DGKG: variants seen among roughly 807,000 people sequenced by gnomAD.
The protein encoded by DGKG is DAG kinase gamma.
In DGKG, 78 loss-of-function variants were observed where a neutral mutation model predicts 105.3. That is an observed-to-expected ratio of 0.74 (90% CI 0.62 to 0.89). The LOEUF (loss-of-function observed/expected upper bound fraction) is 0.89. DGKG is among the 40% of genes least tolerant of loss of function. The probability of loss-of-function intolerance (pLI) is 0.00; values close to 1 mark genes in which losing one functional copy is unlikely to be tolerated. For missense variants in DGKG, 958 were observed against 1,020.1 expected, an observed-to-expected ratio of 0.94 and a Z score of 0.83; for synonymous variants, 346 against 367.1, an observed-to-expected ratio of 0.94 and a Z score of 0.66.
At chr3:186,225,338 T>C (rs1719806578) in intron 20 of DGKG, among the ~76,000 whole-genome samples, 1 of 152,160 alleles carries the variant, frequency 6.6e-6, no homozygotes, top group Non-Finnish European at 1.5e-5. Flanking sequence ...AGCCCATTCA[T>C]TCTCTCCTTT....
chr3:186,256,256 G>A (rs529118528), intron 17 of DGKG, among the ~76,000 whole-genome samples: 2 of 152,250 alleles, frequency 1.3e-5, no homozygotes, highest in Admixed American at 1.3e-4. Context: ...GGCGGCAGGT[G>A]TACGGTCCTG....
chr3:186,258,048 G>C lies in DGKG; in HGVS notation c.1425-109C>G, dbSNP rs376547921. 8.9e-5 allele frequency: 71 copies of C among 798,438 alleles called. No homozygotes were observed. The African/African-American group carries it at 9.7e-4, about 11-fold the overall frequency. 49.5% of individuals were successfully genotyped at this position (798,438 alleles called of 1,614,324 possible). A position where few individuals can be genotyped will look rare whatever the true frequency, so the allele number is the denominator to read the frequency against. Reference sequence around the variant, plus strand: ...TTCCCCAGGAGTATGTTAAGACCTCGATTCCTTTTGTGGTTGAAAGGGTCA... The same window carrying C: ...TTCCCCAGGAGTATGTTAAGACCTCCATTCCTTTTGTGGTTGAAAGGGTCA... On this transcript the variant is annotated intron_variant, in intron 16 of 24. Coordinates refer to ENST00000265022, the MANE Select transcript of DGKG (RefSeq NM_001346.3).
chr3:186,285,922 G>T (rs1339284235), intron 6 of DGKG, among the ~76,000 whole-genome samples: 4 of 151,942 alleles, frequency 2.6e-5, no homozygotes, highest in Admixed American at 6.5e-5. Context: ...CAGATGATCC[G>T]CCTGCCTCGG....
At chr3:186,181,855 A>G (rs573983241) in intron 22 of DGKG, among the ~76,000 whole-genome samples, 1 of 152,258 alleles carries the variant, frequency 6.6e-6, no homozygotes, top group Non-Finnish European at 1.5e-5. Flanking sequence ...AGGTGTGGAT[A>G]ACACAGGCTC....
intron 23 of DGKG, among the ~76,000 whole-genome samples, chr3:186,163,285 C>T (rs914302727): frequency 1.1e-4 from 17 of 152,174 alleles, no homozygotes; most frequent in African/African-American, 3.9e-4. Context: ...GGATTACAGA[C>T]GTGAGCCACC....
intron 22 of DGKG, among the ~76,000 whole-genome samples, chr3:186,180,698 T>G (rs995286164): frequency 2.0e-5 from 3 of 152,160 alleles, no homozygotes; most frequent in Admixed American, 6.5e-5. Context: ...TATGGCTTCA[T>G]AAAGGTGAAA....
chr3:186,330,941 T>C (rs1445825022), intron 1 of DGKG, among the ~76,000 whole-genome samples: 1 of 152,176 alleles, frequency 6.6e-6, no homozygotes. Context: ...CCAAGACAAC[T>C]ACACAAGCAC....
chr3:186,281,706 T>TG (rs970602439), intron 7 of DGKG, among the ~76,000 whole-genome samples: 1 of 151,790 alleles, frequency 6.6e-6, no homozygotes, highest in African/African-American at 2.4e-5. Flanking sequence ...GGCACAAAGG[T>TG]GGGGAAAGGT....
chr3:186,249,300 C>G (rs1288264805), intron 19 of DGKG, among the ~76,000 whole-genome samples: 2 of 152,182 alleles, frequency 1.3e-5, no homozygotes, highest in African/African-American at 4.8e-5. Flanking sequence ...AGAACCCGAT[C>G]ATGGGCCCAG....
At chr3:186,204,596 G>A (rs558319934) in intron 21 of DGKG, among the ~76,000 whole-genome samples, 8 of 152,172 alleles carry the variant, frequency 5.3e-5, no homozygotes, top group African/African-American at 1.4e-4. Flanking sequence ...TACCCAGCAC[G>A]TCCTTTTTTT....
chr3:186,324,484 A>G (rs1725238612), intron 1 of DGKG, among the ~76,000 whole-genome samples: 1 of 151,842 alleles, frequency 6.6e-6, no homozygotes, highest in Non-Finnish European at 1.5e-5. Flanking sequence ...TTGCAAATAC[A>G]ACATGTAGCA....
At chr3:186,250,332 T>A (rs1721147551) in intron 19 of DGKG, among the ~76,000 whole-genome samples, 1 of 151,722 alleles carries the variant, frequency 6.6e-6, no homozygotes, top group Admixed American at 6.6e-5. Flanking sequence ...CCTGTGGGGA[T>A]GTTGGGGGAG....
chr3:186,242,475 G>C (rs1452069424), intron 20 of DGKG, 29 bp downstream of exon 20: 21 of 1,598,208 alleles, frequency 1.3e-5, no homozygotes, highest in Non-Finnish European at 1.8e-5. Flanking sequence ...CACTGGGTGG[G>C]TGGCAGCGCA....
chr3:186,286,863 G>A (rs969669950), intron 6 of DGKG, among the ~76,000 whole-genome samples: 36 of 152,020 alleles, frequency 2.4e-4, no homozygotes, highest in South Asian at 2.1e-4. Context: ...GTGAGACTCC[G>A]TATCTACCAA....
rs886493244 is a variant in DGKG, at chr3:186,148,772, C to G, written c.*1318G>C. 1.0e-6 allele frequency: 1 copy of G among 985,388 alleles called. No individual in the cohort carries two copies. Among genetic ancestry groups the G allele is most frequent in the Non-Finnish European group, 1.2e-6 (1 of 829,910 alleles). 61.0% of individuals were successfully genotyped at this position (985,388 alleles called of 1,614,324 possible). On this transcript the variant is annotated 3_prime_UTR_variant, in exon 25 of 25. Coordinates refer to ENST00000265022, the MANE Select transcript of DGKG (RefSeq NM_001346.3). ...AGGATCCAGAATAGGAGTTCTCGGT[C>G]TCTTCGTTCATAATAGGGAGCTACT...
intron 20 of DGKG, among the ~76,000 whole-genome samples, chr3:186,215,721 A>T (rs1440088517): frequency 6.6e-6 from 1 of 152,096 alleles, no homozygotes; most frequent in Non-Finnish European, 1.5e-5. Context: ...CTTACGGAAC[A>T]AAAAAGAGGG....
intron 22 of DGKG, among the ~76,000 whole-genome samples, chr3:186,183,888 G>C (rs1317492413): frequency 2.0e-5 from 3 of 152,070 alleles, no homozygotes; most frequent in Non-Finnish European, 2.9e-5. Flanking sequence ...ATTTTTAGTA[G>C]AGATGGGGTT....
At position 186,226,570 on chromosome 3, in the gene DGKG, G is replaced by A. The variant is rs1040998314; in HGVS notation, c.1827-14685C>T. Among the ~76,000 whole-genome samples the A allele has an allele frequency of 3.3e-5, 5 of 152,204 alleles. No homozygotes were observed. Among genetic ancestry groups the A allele is most frequent in the Non-Finnish European group, 7.3e-5 (5 of 68,044 alleles). ...TGAGAGCTCCAATAAAAGTTTCACTGAGATCAACAGTTTGCAGTTTTCATT... is the reference window on the plus strand; with the variant it reads ...TGAGAGCTCCAATAAAAGTTTCACTAAGATCAACAGTTTGCAGTTTTCATT... On this transcript the variant is annotated intron_variant, in intron 20 of 24. Coordinates refer to ENST00000265022, the MANE Select transcript of DGKG (RefSeq NM_001346.3). The surrounding 1 kb of genome is among the most constrained non-coding windows in gnomAD (Gnocchi z 4.2).
chr3:186,207,235 A>G (rs1315462739), intron 21 of DGKG, among the ~76,000 whole-genome samples: 1 of 152,192 alleles, frequency 6.6e-6, no homozygotes, highest in East Asian at 1.9e-4. Context: ...TTTTGACGTT[A>G]TCTGAAATGT....
Sources: gnomAD v4.1 joint callset for allele counts (sites outside exome capture counted in the v4.1 genomes callset) on GRCh38, gnomAD v4.1.1 for gene constraint, Gnocchi (gnomAD v3.1) non-coding constraint, MANE v1.5 for transcripts, NCBI Gene and HGNC (gene_info 2026-07-23, HGNC 2026-07-21) for gene names.